The following SSBP2 variants were observed in gnomAD, a reference collection of about 807,000 sequenced individuals.
SSBP2 encodes single stranded DNA binding protein 2, also known as single-stranded DNA-binding protein 2.
A neutral mutation model predicts 61.8 loss-of-function variants in SSBP2; 17 were observed. The ratio of observed to expected loss-of-function variants is 0.28; its 90% CI spans 0.19 to 0.41. The LOEUF is 0.41. Among genes scored for constraint, SSBP2 ranks in the 10% least tolerant of loss-of-function variants. The pLI is 1.00. For synonymous variants in SSBP2, 139 were observed against 141.3 expected, an observed-to-expected ratio of 0.98 and a Z score of 0.12; for missense variants, 310 against 458.7, an observed-to-expected ratio of 0.68 and a Z score of 2.96.
chr5:81,703,712 T>C, intron 1 of SSBP2, among the ~76,000 whole-genome samples: 1 of 152,216 alleles, frequency 6.6e-6, no homozygotes, highest in East Asian at 1.9e-4. Context: ...TCACTAATGA[T>C]TTCCCTTAAA....
intron 4 of SSBP2, among the ~76,000 whole-genome samples, chr5:81,613,781 G>T (rs1476390461): frequency 6.6e-6 from 1 of 152,100 alleles, no homozygotes; most frequent in Admixed American, 6.5e-5. Context: ...ATGAGATGGG[G>T]TACCCCACTC....
chr5:81,649,306 C>T (rs1339675199), intron 2 of SSBP2, among the ~76,000 whole-genome samples: 1 of 152,060 alleles, frequency 6.6e-6, no homozygotes, highest in Non-Finnish European at 1.5e-5. Context: ...TCAATAAAAT[C>T]CTCATCATCC....
At chr5:81,503,455 A>AAAAAC (rs920381580) in intron 5 of SSBP2, among the ~76,000 whole-genome samples, 2 of 152,154 alleles carry the variant, frequency 1.3e-5, no homozygotes, top group African/African-American at 4.8e-5. Flanking sequence ...CTCCATCTCA[A>AAAAAC]AAAACAAAAC....
At chr5:81,699,861 T>C (rs927691710) in intron 1 of SSBP2, among the ~76,000 whole-genome samples, 1 of 150,384 alleles carries the variant, frequency 6.6e-6, no homozygotes, top group Non-Finnish European at 1.5e-5. Flanking sequence ...TTTCTTTTTT[T>C]TTTTTTTTTT....
chr5:81,542,853 C>CTCTCTCTCTCTCTCTCTCTCT (rs1554083509), intron 4 of SSBP2, among the ~76,000 whole-genome samples: 4 of 146,784 alleles, frequency 2.7e-5, no homozygotes, highest in African/African-American at 1.0e-4. Flanking sequence ...CTCTCTCTCT[C>CTCTCTCTCTCTCTCTCTCTCT]CTTTCTTTCT....
intron 2 of SSBP2, among the ~76,000 whole-genome samples, chr5:81,648,205 A>G (rs1008681323): frequency 1.3e-5 from 2 of 152,046 alleles, no homozygotes; most frequent in Non-Finnish European, 2.9e-5. Context: ...CCTTTTTGCA[A>G]TCTCAATCAC....
At chr5:81,712,696 T>C (rs570075502) in intron 1 of SSBP2, among the ~76,000 whole-genome samples, 61 of 150,996 alleles carry the variant, frequency 4.0e-4, no homozygotes, top group African/African-American at 1.0e-3. Context: ...CCCACCAAAA[T>C]GAAAGTAAAG....
intron 4 of SSBP2, among the ~76,000 whole-genome samples, chr5:81,607,261 A>T (rs1003975847): frequency 6.6e-6 from 1 of 152,188 alleles, no homozygotes; most frequent in African/African-American, 2.4e-5. Flanking sequence ...ACAAGATAAT[A>T]ATCAAAGGAA....
rs1312488215 is a variant in SSBP2 at position 81,446,848 on chromosome 5, G to A, written c.778+20C>T. 1 of 1,599,756 alleles carries A rather than the reference G, an allele frequency of 6.3e-7. No homozygotes were observed. The highest frequency in any genetic ancestry group is 8.5e-7 in the Non-Finnish European group (1 of 1,174,094). ...TATTCTAATAATCAAATGCCCATGT[G>A]GCTAGTTTGATTACAATACCTGCTG... On this transcript the variant is annotated intron_variant, in intron 12 of 16. Transcript: ENST00000320672.
chr5:81,474,633 C>G, intron 6 of SSBP2, 71 bp from the exon 7 acceptor site: 1 of 1,066,406 alleles, frequency 9.4e-7, no homozygotes, highest in East Asian at 2.8e-5. Flanking sequence ...TAACAATTTC[C>G]TTTTAAATGC....
intron 1 of SSBP2, among the ~76,000 whole-genome samples, chr5:81,671,283 A>AT (rs999105700): frequency 2.0e-5 from 3 of 151,988 alleles, no homozygotes; most frequent in African/African-American, 7.2e-5. Flanking sequence ...ATCACAGGGT[A>AT]TTTTTTTCCT....
intron 5 of SSBP2, among the ~76,000 whole-genome samples, chr5:81,509,590 G>A (rs916060923): frequency 6.6e-6 from 1 of 152,194 alleles, no homozygotes; most frequent in East Asian, 1.9e-4. Context: ...AATATAATAT[G>A]TCTTTTTTAA....
intron 4 of SSBP2, 155 bp downstream of exon 4, chr5:81,615,318 C>A: frequency 1.5e-6 from 1 of 651,984 alleles, no homozygotes; most frequent in Admixed American, 2.4e-5. Context: ...TTCTATTTCA[C>A]ATTTAAAGTT....
intron 1 of SSBP2, among the ~76,000 whole-genome samples, chr5:81,730,010 G>C (rs1013280796): frequency 1.8e-4 from 28 of 151,980 alleles, no homozygotes; most frequent in African/African-American, 6.8e-4. Flanking sequence ...AAAAGATATA[G>C]GGTAACAATT....
chr5:81,593,003 C>T lies in SSBP2; in HGVS notation c.282+22470G>A, dbSNP rs560339941. Among the ~76,000 whole-genome samples the T allele has an allele frequency of 5.5e-4, 84 of 152,186 alleles. 2 individuals carry two copies. Among genetic ancestry groups the T allele is most frequent in the African/African-American group, 1.6e-3 (65 of 41,520 alleles). ...AAAGCTGGACGGAGAATGACTTTGA[C>T]GAGTTGAGAGAAGAAGGCTTCAGAC... On this transcript the variant is annotated intron_variant, in intron 4 of 16. Coordinates refer to ENST00000320672, the MANE Select transcript of SSBP2 (RefSeq NM_012446.5).
At chr5:81,686,863 AAAAAAAAAAG>A (rs1752828634) in intron 1 of SSBP2, among the ~76,000 whole-genome samples, 4 of 110,320 alleles carry the variant, frequency 3.6e-5, no homozygotes, top group South Asian at 6.5e-4. Context: ...TCAAAAAAAA[AAAAAAAAAAG>A]AAAAGAAAAG....
At chr5:81,484,423 G>A (rs1489252442) in intron 6 of SSBP2, among the ~76,000 whole-genome samples, 1 of 151,934 alleles carries the variant, frequency 6.6e-6, no homozygotes, top group African/African-American at 2.4e-5. Flanking sequence ...AAATAAATTT[G>A]TTTGTTAATT....
chr5:81,478,833 A>T (rs138026336), intron 6 of SSBP2, among the ~76,000 whole-genome samples: 12 of 152,294 alleles, frequency 7.9e-5, no homozygotes, highest in African/African-American at 2.9e-4. Flanking sequence ...TTTGACACTT[A>T]ACTTCTGTCT....
intron 4 of SSBP2, among the ~76,000 whole-genome samples, chr5:81,614,905 A>AC (rs1352591605): frequency 1.2e-4 from 19 of 152,078 alleles, no homozygotes; most frequent in Admixed American, 3.9e-4. Context: ...AGGACACTCC[A>AC]CTGCCGTTCC....
Sources: allele counts gnomAD v4.1 joint callset (sites outside exome capture counted in the v4.1 genomes callset), GRCh38; gene constraint gnomAD v4.1.1; transcripts MANE v1.5; gene names NCBI Gene and HGNC (gene_info 2026-07-23, HGNC 2026-07-21).